The following NOS1 variants were observed in gnomAD, a reference collection of about 807,000 sequenced individuals.
The protein encoded by NOS1 is nitric oxide synthase 1, also known as NOS type I.
In NOS1, 51 loss-of-function variants were observed where a neutral mutation model predicts 164.5. The observed-to-expected ratio is 0.31, with a 90% confidence interval of 0.25 to 0.39. The LOEUF is 0.39. Among genes scored for constraint, NOS1 ranks in the 10% least tolerant of loss-of-function variants. The pLI, the probability that NOS1 is intolerant of heterozygous loss-of-function variation, is 1.00. For synonymous variants in NOS1, 719 were observed against 745.8 expected (o/e 0.96, Z 0.59); for missense variants, 1,362 against 1,885.6 (o/e 0.72, Z 5.14).
intron 23 of NOS1, 76 bp downstream of exon 23, chr12:117,227,355 G>T: frequency 7.4e-7 from 1 of 1,355,522 alleles, no homozygotes; most frequent in East Asian, 2.4e-5. Context: ...GCCTGCAGAC[G>T]GTGGTTTAGG....
At position 117,210,647 on chromosome 12, in the gene NOS1, A is replaced by T; in HGVS notation, c.*4662T>A. 1 of 985,468 alleles carries T rather than the reference A, an allele frequency of 1.0e-6. No homozygotes were observed. The highest frequency in any genetic ancestry group is 1.2e-6 in the Non-Finnish European group (1 of 829,952). The allele number at this position is 985,468 out of a possible 1,614,324, so 61.0% of individuals were successfully genotyped here. On this transcript the variant is annotated 3_prime_UTR_variant, in exon 29 of 29. Transcript: ENST00000317775. ...CCATCCTATTAGGACCATTTGCCCT[A>T]TGAGCTAGGTCAGGACACCTCTCAC...
intron 22 of NOS1, among the ~76,000 whole-genome samples, chr12:117,228,844 G>A (rs557724398): frequency 3.3e-5 from 5 of 152,110 alleles, no homozygotes; most frequent in East Asian, 1.9e-4. Flanking sequence ...GCAACGGCAC[G>A]ATCTTGGCTC....
intron 2 of NOS1, among the ~76,000 whole-genome samples, chr12:117,318,703 C>A (rs1874776353): frequency 6.6e-6 from 1 of 152,196 alleles, no homozygotes; most frequent in Non-Finnish European, 1.5e-5. Flanking sequence ...ACCCCGAGGA[C>A]CTGAGAGGGG....
chr12:117,334,173 C>G (rs887710088), intron 1 of NOS1, among the ~76,000 whole-genome samples: 1 of 152,212 alleles, frequency 6.6e-6, no homozygotes, highest in African/African-American at 2.4e-5. Flanking sequence ...GCACGTTCTT[C>G]TCTCTTTCTC....
At chr12:117,335,729 T>TGAGAGAGAGAGA (rs60613906) in intron 1 of NOS1, among the ~76,000 whole-genome samples, 3,895 of 112,442 alleles carry the variant, frequency 0.035, 416 homozygotes, top group Admixed American at 0.043. Context: ...ACAGACTATA[T>TGAGAGAGAGAGA]GAGAGAGAGA....
chr12:117,258,560 C>T, intron 15 of NOS1, 105 bp from the exon 16 acceptor site: 2 of 1,169,054 alleles, frequency 1.7e-6, no homozygotes, highest in South Asian at 1.3e-5. Context: ...GAGACTGATG[C>T]CCGGAGGCCA....
Position 117,287,957 on chromosome 12 carries a change from C to T in NOS1, c.1127+117G>A. Reference sequence around the variant, plus strand: ...GACCTATGGGTAGCCAGTCTTAAGCCTCTGTGTATGGCAGAGGCCTTGTGC... The same window carrying T: ...GACCTATGGGTAGCCAGTCTTAAGCTTCTGTGTATGGCAGAGGCCTTGTGC... On this transcript the variant is annotated intron_variant, in intron 5 of 28. Transcript: ENST00000317775. 3 of 1,120,208 alleles carry T rather than the reference C, an allele frequency of 2.7e-6. No homozygotes were observed. In the Admixed American group the frequency reaches 6.2e-5, roughly 23 times the overall value. 69.4% of individuals were successfully genotyped at this position (1,120,208 alleles called of 1,614,324 possible).
intron 2 of NOS1, among the ~76,000 whole-genome samples, chr12:117,319,841 G>C (rs1827879905): frequency 6.6e-6 from 1 of 152,054 alleles, no homozygotes; most frequent in Non-Finnish European, 1.5e-5. Context: ...GGTGTGGCCT[G>C]GCCTGTGATG....
At chr12:117,280,072 T>C (rs1873507747) in intron 8 of NOS1, among the ~76,000 whole-genome samples, 1 of 152,202 alleles carries the variant, frequency 6.6e-6, no homozygotes, top group African/African-American at 2.4e-5. Context: ...GCTTGTGCTG[T>C]CATGTGGGCA....
At chr12:117,216,174 G>A (rs886649658) in intron 28 of NOS1, among the ~76,000 whole-genome samples, 5 of 146,070 alleles carry the variant, frequency 3.4e-5, no homozygotes, top group African/African-American at 1.3e-4. Flanking sequence ...CACTGGGCCC[G>A]TCAAAAGGGA....
chr12:117,329,620 A>G (rs1043910835), intron 2 of NOS1, among the ~76,000 whole-genome samples: 3 of 152,116 alleles, frequency 2.0e-5, no homozygotes, highest in African/African-American at 7.2e-5. Flanking sequence ...TTCTCCCCAT[A>G]GAAGGAGCTA....
chr12:117,333,391 C>G (rs546442161), intron 1 of NOS1, among the ~76,000 whole-genome samples: 1 of 152,200 alleles, frequency 6.6e-6, no homozygotes, highest in Non-Finnish European at 1.5e-5. Context: ...CTGACACTCA[C>G]TTCCTCATTT....
At chr12:117,276,324 C>G (rs972394503) in intron 9 of NOS1, among the ~76,000 whole-genome samples, 1 of 152,016 alleles carries the variant, frequency 6.6e-6, no homozygotes, top group Non-Finnish European at 1.5e-5. Flanking sequence ...GCTCTGTTGC[C>G]CAGGCTGGAG....
chr12:117,238,328 G>A (rs1869887963), intron 20 of NOS1, among the ~76,000 whole-genome samples: 1 of 152,102 alleles, frequency 6.6e-6, no homozygotes, highest in African/African-American at 2.4e-5. Flanking sequence ...AGGACACCTA[G>A]TCCTAACCAG....
intron 16 of NOS1, among the ~76,000 whole-genome samples, chr12:117,257,965 C>G (rs1490224786): frequency 6.6e-6 from 1 of 151,960 alleles, no homozygotes; most frequent in Non-Finnish European, 1.5e-5. Context: ...CCACCACGCC[C>G]GCCTAATTTT....
At chr12:117,250,804 T>C (rs1871040469) in intron 17 of NOS1, among the ~76,000 whole-genome samples, 1 of 152,198 alleles carries the variant, frequency 6.6e-6, no homozygotes, top group Non-Finnish European at 1.5e-5. Flanking sequence ...CCAGTGCAGA[T>C]CTGGGAACTT....
chr12:117,278,107 A>G lies in NOS1; in HGVS notation c.1525-9T>C. ...CCCTGCTGTATGCATATCTGCAAGC[A>G]GACCCGGCCAGGTAATGCCACTGTA... On this transcript the variant is annotated splice_polypyrimidine_tract_variant and intron_variant, in intron 8 of 28. Coordinates refer to ENST00000317775, the MANE Select transcript of NOS1 (RefSeq NM_000620.5). The G allele has an allele frequency of 6.2e-7, 1 of 1,607,826 alleles. No homozygotes were observed. Among genetic ancestry groups the G allele is most frequent in the Non-Finnish European group, 8.5e-7 (1 of 1,176,146 alleles).
At chr12:117,218,293 A>T in intron 27 of NOS1, 129 bp from the exon 28 acceptor site, 4 of 741,328 alleles carry the variant, frequency 5.4e-6, no homozygotes, top group Non-Finnish European at 9.5e-6. Flanking sequence ...ATGAGGCTGA[A>T]GCCAGTGTCC....
chr12:117,236,217 A>C (rs535611041), intron 20 of NOS1, among the ~76,000 whole-genome samples: 114 of 152,232 alleles, frequency 7.5e-4, no homozygotes, highest in African/African-American at 2.6e-3. Flanking sequence ...ATTGCCAATT[A>C]ATTTTCAGTG....
Sources: allele counts gnomAD v4.1 joint callset (sites outside exome capture counted in the v4.1 genomes callset), GRCh38; gene constraint gnomAD v4.1.1; transcripts MANE v1.5; gene names NCBI Gene and HGNC (gene_info 2026-07-23, HGNC 2026-07-21).